Variants in FGD1 observed in about 807,000 individuals in gnomAD.
FGD1 encodes FYVE, RhoGEF and PH domain containing 1.
Under a neutral mutation model 65.0 loss-of-function variants are expected in FGD1, and 12 were observed. The ratio of observed to expected loss-of-function variants is 0.18; its 90% CI spans 0.12 to 0.30. The LOEUF (loss-of-function observed/expected upper bound fraction) is 0.30, where lower values mean the gene tolerates loss of function less well. FGD1 is among the 10% of genes least tolerant of loss of function. The pLI is 1.00. For missense variants in FGD1, 542 were observed against 837.6 expected (o/e 0.65, Z 4.36); for synonymous variants, 333 against 343.9 (o/e 0.97, Z 0.35).
intron 6 of FGD1, among the ~76,000 whole-genome samples, chrX:54,466,987 G>A (rs1922778085): frequency 9.0e-6 from 1 of 111,141 alleles, no homozygotes; most frequent in African/African-American, 3.3e-5. Context: ...CTGACCTGGT[G>A]ATCCGCCTGC....
At chrX:54,453,385 G>GTC (rs1396731525) in intron 12 of FGD1, among the ~76,000 whole-genome samples, 5 of 111,287 alleles carry the variant, frequency 4.5e-5, no homozygotes, top group African/African-American at 1.6e-4. Context: ...GCCATCTGCT[G>GTC]ACATGCATCC....
intron 1 of FGD1, 71 bp downstream of exon 1, chrX:54,495,055 G>C: frequency 1.8e-6 from 2 of 1,101,472 alleles, no homozygotes; most frequent in African/African-American, 1.8e-5. Flanking sequence ...TAGAGGGCTC[G>C]AGAACAAGAA....
rs61734178 is a variant in FGD1, at chrX:54,449,149, G to A, written c.2268C>T (p.Cys756=). ...ITKRRHHCKA[C]GHVVCGKCSE... ...CCTGCCTCCCAACACTCACATGCCC[G>A]CAGGCCTTGCAGTGGTGCCTGCGTT... Residue 756 remains cysteine, a synonymous_variant, in exon 15 of 18, where the codon TGC becomes TGT. Coordinates refer to ENST00000375135, the MANE Select transcript of FGD1 (RefSeq NM_004463.3). 4.0e-4 allele frequency: 482 copies of A among 1,210,566 alleles called. 1 individual carries two copies. The African/African-American group carries it at 6.5e-3, about 16-fold the overall frequency.
chrX:54,468,753 C>T, intron 5 of FGD1, 34 bp downstream of exon 5: 1 of 1,053,530 alleles, frequency 9.5e-7, no homozygotes, highest in Admixed American at 2.3e-5. Context: ...CCTACAAGGT[C>T]CTGGGGCCCT....
At chrX:54,471,890 A>C (rs2147436467) in intron 1 of FGD1, among the ~76,000 whole-genome samples, 1 of 112,080 alleles carries the variant, frequency 8.9e-6, no homozygotes, top group Admixed American at 9.5e-5. Flanking sequence ...TAAGGCCCTG[A>C]GAATATCTAG....
At chrX:54,490,202 G>A (rs1165875697) in intron 1 of FGD1, among the ~76,000 whole-genome samples, 2 of 111,254 alleles carry the variant, frequency 1.8e-5, no homozygotes, top group African/African-American at 3.3e-5. Flanking sequence ...GGAGGGAGGA[G>A]GGTAAGGATC....
intron 8 of FGD1, among the ~76,000 whole-genome samples, chrX:54,464,406 T>A (rs960483691): frequency 9.0e-6 from 1 of 111,718 alleles, no homozygotes; most frequent in Non-Finnish European, 1.9e-5. Flanking sequence ...GTGCTGGGAT[T>A]ACAGGCGTGA....
chrX:54,460,362 C>T (rs1483182007), intron 8 of FGD1, among the ~76,000 whole-genome samples: 5 of 110,933 alleles, frequency 4.5e-5, no homozygotes, highest in African/African-American at 1.3e-4. Context: ...ATCACTTGAA[C>T]CCAGGAGGCA....
chrX:54,449,345 A>G (rs1369857964), intron 14 of FGD1, 77 bp from the exon 15 acceptor site: 3 of 1,140,653 alleles, frequency 2.6e-6, no homozygotes, highest in Middle Eastern at 2.4e-4. Flanking sequence ...TCCTGCTCCA[A>G]CGCTTGGATT....
Position 54,471,352 on chromosome X carries a change from G to A in FGD1, c.443C>T (p.Pro148Leu), listed in dbSNP as rs1922889433. The A allele has an allele frequency of 8.3e-7, 1 of 1,209,779 alleles. No individual in the cohort carries two copies. Among genetic ancestry groups the A allele is most frequent in the African/African-American group, 1.7e-5 (1 of 57,396 alleles). ...GPPTETPSQR[P>L]SPLKRAPGPK... ...GCCCGGTGCCCGCTTCAGTGGTGAA[G>A]GACGCTGGCTAGGGGTTTCAGTCGG... The change falls in exon 2 of 18, where the codon CCT becomes CTT. Residue 148 changes from proline to leucine, a missense_variant. Transcript: ENST00000375135.
At chrX:54,471,198 G>A in intron 2 of FGD1, 116 bp downstream of exon 2, 1 of 828,951 alleles carries the variant, frequency 1.2e-6, no homozygotes, top group Non-Finnish European at 1.8e-6. Flanking sequence ...ACTGCCCTGG[G>A]AGCATGGTGG....
intron 1 of FGD1, among the ~76,000 whole-genome samples, chrX:54,478,654 C>T (rs1431759531): frequency 1.8e-5 from 2 of 111,010 alleles, no homozygotes; most frequent in Non-Finnish European, 3.8e-5. Context: ...ATAGCAGTTC[C>T]TTGGTTTGGG....
chrX:54,456,108 T>A (rs1169355748), intron 10 of FGD1, 112 bp downstream of exon 10: 10 of 900,285 alleles, frequency 1.1e-5, no homozygotes, highest in Non-Finnish European at 1.4e-5. Context: ...TTTCTTTTTT[T>A]TCCTCTTTCA....
intron 1 of FGD1, among the ~76,000 whole-genome samples, chrX:54,482,882 A>AACAAAAAGGGCAGGCCAGGG (rs1923184351): frequency 8.9e-6 from 1 of 111,950 alleles, no homozygotes; most frequent in Non-Finnish European, 1.9e-5. Flanking sequence ...GAGGGGCAGG[A>AACAAAAAGGGCAGGCCAGGG]ACAAAAAGGG....
intron 12 of FGD1, among the ~76,000 whole-genome samples, chrX:54,454,598 C>T (rs1249746775): frequency 2.0e-5 from 2 of 100,656 alleles, no homozygotes; most frequent in African/African-American, 3.8e-5. Context: ...TGCAGTGAGC[C>T]GAGATCATGC....
chrX:54,461,600 CAAA>C (rs1165040158), intron 8 of FGD1, among the ~76,000 whole-genome samples: 3 of 18,057 alleles, frequency 1.7e-4, no homozygotes, highest in Non-Finnish European at 4.1e-4. Context: ...GACTCTGTCT[CAAA>C]AAAAAAAAAA....
intron 1 of FGD1, among the ~76,000 whole-genome samples, chrX:54,493,011 G>T (rs970384596): frequency 3.6e-5 from 4 of 111,010 alleles, no homozygotes; most frequent in African/African-American, 1.3e-4. Context: ...CCTTTTTGGG[G>T]AGGAGGAGAG....
rs1423323416 is a variant in FGD1, at chrX:54,465,439, G to GCA, written c.1636+10_1636+11dup. On this transcript the variant is annotated intron_variant, in intron 8 of 17. Transcript: ENST00000375135. ...TGGAGAAGTAGGAAGGGGCCTGGGT[G>GCA]CACACACTCACTTTGGGCATCCTTG... The GCA allele has an allele frequency of 8.3e-7, 1 of 1,203,957 alleles. No homozygotes were observed. The highest frequency in any genetic ancestry group is 1.7e-5 in the African/African-American group (1 of 57,604).
chrX:54,462,389 C>CTT (rs1158349272), intron 8 of FGD1, among the ~76,000 whole-genome samples: 46 of 79,519 alleles, frequency 5.8e-4, no homozygotes, highest in Admixed American at 7.0e-4. Flanking sequence ...ACTTCCCATT[C>CTT]TTTTTTTTTT....
Sources: allele counts gnomAD v4.1 joint callset (sites outside exome capture counted in the v4.1 genomes callset), GRCh38; gene constraint gnomAD v4.1.1; transcripts MANE v1.5; gene names NCBI Gene and HGNC (gene_info 2026-07-23, HGNC 2026-07-21).